The following CTNNA3 variants were observed in gnomAD, a reference collection of about 807,000 sequenced individuals.
CTNNA3 encodes the protein catenin alpha-3.
In CTNNA3, 76 loss-of-function variants were observed where a neutral mutation model predicts 95.7. The observed-to-expected ratio is 0.79, with a 90% CI of 0.66 to 0.96. The LOEUF is 0.96. CTNNA3 is among the 40% of genes least tolerant of loss of function. The pLI, the probability that CTNNA3 is intolerant of heterozygous loss-of-function variation, is 0.00. For synonymous variants in CTNNA3, 431 were observed against 374.4 expected, an observed-to-expected ratio of 1.15 and a Z score of -1.74; for missense variants, 1,191 against 1,089.8, an observed-to-expected ratio of 1.09 and a Z score of -1.31.
intron 7 of CTNNA3, among the ~76,000 whole-genome samples, chr10:67,005,771 C>T (rs1008037036): frequency 9.0e-4 from 119 of 132,732 alleles, no homozygotes; most frequent in African/African-American, 3.0e-3. Flanking sequence ...CTGCAACCTC[C>T]GCCTCCCAGG....
At chr10:66,314,060 C>T (rs983065529) in intron 12 of CTNNA3, among the ~76,000 whole-genome samples, 3 of 152,166 alleles carry the variant, frequency 2.0e-5, no homozygotes, top group African/African-American at 7.2e-5. Flanking sequence ...CTCATACATA[C>T]ATACATAGGA....
intron 1 of CTNNA3, among the ~76,000 whole-genome samples, chr10:67,712,376 G>A (rs546676908): frequency 6.6e-6 from 1 of 152,318 alleles, no homozygotes; most frequent in Non-Finnish European, 1.5e-5. Context: ...AAGACAATGG[G>A]GAATATGTCT....
intron 11 of CTNNA3, among the ~76,000 whole-genome samples, chr10:66,414,181 T>C (rs1288298459): frequency 6.6e-6 from 1 of 152,146 alleles, no homozygotes; most frequent in East Asian, 1.9e-4. Context: ...AGTTAGGTAG[T>C]TCAAAAATGG....
intron 7 of CTNNA3, among the ~76,000 whole-genome samples, chr10:66,938,231 C>T (rs919566024): frequency 7.0e-4 from 106 of 152,088 alleles, no homozygotes; most frequent in Admixed American, 1.3e-4. Flanking sequence ...TACCATTTAA[C>T]GGGCTTCAAA....
At chr10:66,559,927 T>A (rs1452632623) in intron 10 of CTNNA3, among the ~76,000 whole-genome samples, 1 of 152,128 alleles carries the variant, frequency 6.6e-6, no homozygotes, top group Non-Finnish European at 1.5e-5. Context: ...CACTTCTACA[T>A]CATAATCTAT....
chr10:67,736,346 G>T (rs1841302003), intron 1 of CTNNA3, among the ~76,000 whole-genome samples: 1 of 152,046 alleles, frequency 6.6e-6, no homozygotes, highest in Non-Finnish European at 1.5e-5. Context: ...CTGGAAATGG[G>T]TAGTGGTGAT....
At chr10:65,960,481 C>T (rs965186541) in intron 17 of CTNNA3, among the ~76,000 whole-genome samples, 29 of 151,990 alleles carry the variant, frequency 1.9e-4, no homozygotes, top group African/African-American at 5.8e-4. Flanking sequence ...GCCGAGATCA[C>T]GCCACTGCAC....
intron 1 of CTNNA3, among the ~76,000 whole-genome samples, chr10:67,726,647 C>A (rs1164924896): frequency 7.6e-3 from 28 of 3,662 alleles, no homozygotes; most frequent in South Asian, 0.016. Flanking sequence ...ATAATATATA[C>A]TATAATATAT....
chr10:66,816,685 A>G (rs1002741945), intron 7 of CTNNA3, among the ~76,000 whole-genome samples: 1 of 152,096 alleles, frequency 6.6e-6, no homozygotes, highest in Non-Finnish European at 1.5e-5. Context: ...CACCTAATAG[A>G]TATTTATAGA....
intron 17 of CTNNA3, among the ~76,000 whole-genome samples, chr10:65,948,234 T>TGG (rs1301031940): frequency 7.2e-6 from 1 of 139,792 alleles, no homozygotes; most frequent in African/African-American, 2.8e-5. Context: ...TGAGCCGAGA[T>TGG]CATGCCACTG....
chr10:66,903,285 T>G (rs371931157), intron 7 of CTNNA3, among the ~76,000 whole-genome samples: 2 of 152,254 alleles, frequency 1.3e-5, no homozygotes, highest in East Asian at 3.9e-4. Flanking sequence ...AACATACAAT[T>G]ATCTGAATAG....
intron 3 of CTNNA3, among the ~76,000 whole-genome samples, chr10:67,585,271 T>C (rs1342835406): frequency 6.6e-6 from 1 of 152,238 alleles, no homozygotes; most frequent in African/African-American, 2.4e-5. Context: ...TTTTTGCATC[T>C]CTGTTCATCA....
At chr10:66,310,520 T>G (rs1484591018) in intron 12 of CTNNA3, among the ~76,000 whole-genome samples, 1 of 152,164 alleles carries the variant, frequency 6.6e-6, no homozygotes, top group Non-Finnish European at 1.5e-5. Context: ...GTCTTTAAAT[T>G]TGGCCTATAT....
chr10:67,012,337 A>G (rs2133042647), intron 7 of CTNNA3: 1 of 152,318 alleles, frequency 6.6e-6, no homozygotes, highest in East Asian at 1.9e-4. Context: ...CAGATCTCCT[A>G]GATGCCCACC....
intron 7 of CTNNA3, among the ~76,000 whole-genome samples, chr10:66,806,260 T>TC (rs1491511672): frequency 1.0e-5 from 1 of 95,526 alleles, no homozygotes; most frequent in African/African-American, 3.4e-5. Context: ...GATATTGGTG[T>TC]TTGTGTGTGT....
At chr10:66,156,043 T>C (rs1010710307) in intron 13 of CTNNA3, among the ~76,000 whole-genome samples, 1 of 151,916 alleles carries the variant, frequency 6.6e-6, no homozygotes, top group Non-Finnish European at 1.5e-5. Flanking sequence ...TAATTAGTTA[T>C]CAAATTAAAG....
intron 11 of CTNNA3, among the ~76,000 whole-genome samples, chr10:66,443,131 G>A (rs900409930): frequency 7.9e-5 from 12 of 152,158 alleles, no homozygotes; most frequent in Non-Finnish European, 1.2e-4. Flanking sequence ...CATTGCCCAG[G>A]CTTGATTAGG....
chr10:67,425,656 T>C (rs1203622060), intron 5 of CTNNA3, among the ~76,000 whole-genome samples: 66 of 151,978 alleles, frequency 4.3e-4, no homozygotes, highest in Admixed American at 4.3e-3. Flanking sequence ...CATCTGAAGG[T>C]AGGGTTCTTC....
chr10:66,029,575 G>T (rs1267615696), intron 15 of CTNNA3, among the ~76,000 whole-genome samples: 1 of 152,112 alleles, frequency 6.6e-6, no homozygotes, highest in African/African-American at 2.4e-5. Flanking sequence ...CAACCAGCAA[G>T]AATGGTCTTC....
Sources: gnomAD v4.1 joint callset for allele counts (sites outside exome capture counted in the v4.1 genomes callset) on GRCh38, gnomAD v4.1.1 for gene constraint, MANE v1.5 for transcripts, NCBI Gene and HGNC (gene_info 2026-07-23, HGNC 2026-07-21) for gene names.